The following VRK3 variants were observed in gnomAD, a reference collection of about 807,000 sequenced individuals.
VRK3 encodes serine/threonine-protein kinase VRK3.
A neutral mutation model predicts 60.4 loss-of-function variants in VRK3; 50 were observed. The observed-to-expected ratio is 0.83, with a 90% CI of 0.66 to 1.05. The LOEUF (loss-of-function observed/expected upper bound fraction) is 1.05, where lower values mean the gene tolerates loss of function less well. Ranked by LOEUF, VRK3 falls within the 50% of genes least tolerant of loss-of-function variation. VRK3 has a pLI of 0.00. For missense variants in VRK3, 549 were observed against 585.3 expected (o/e 0.94, Z 0.64); for synonymous variants, 246 against 227.8 (o/e 1.08, Z -0.72).
intron 5 of VRK3, among the ~76,000 whole-genome samples, chr19:50,003,693 C>T (rs2076847599): frequency 6.6e-6 from 1 of 152,242 alleles, no homozygotes; most frequent in South Asian, 2.1e-4. Context: ...ACTGTTATTG[C>T]TTTAAATTAC....
At chr19:50,024,039 C>T (rs867814642) in intron 1 of VRK3, among the ~76,000 whole-genome samples, 1 of 152,160 alleles carries the variant, frequency 6.6e-6, no homozygotes, top group Admixed American at 6.5e-5. Flanking sequence ...TGGGTTCAAG[C>T]GATTCTCCCT....
intron 2 of VRK3, among the ~76,000 whole-genome samples, chr19:50,016,964 C>T (rs1213819011): frequency 7.2e-6 from 1 of 138,832 alleles, no homozygotes; most frequent in Non-Finnish European, 1.5e-5. Context: ...CCATCACAGG[C>T]AGATCACCTG....
In VRK3 at chr19:49,990,767, GTTCA is replaced by G. The variant is rs984029700; in HGVS notation, c.964-1000_964-997del. ...TGTTTTTCTGTTTACAGTTTGTGGT[GTTCA>G]TTAAAAAAATAATTTTTTTTTTTTA... On this transcript the variant is annotated intron_variant, in intron 10 of 14. Transcript: ENST00000316763. 2.6e-5 allele frequency among the ~76,000 whole-genome samples: 4 copies of G among 151,124 alleles called. No homozygotes were observed. In the South Asian group the frequency reaches 8.4e-4, roughly 32 times the overall value.
At position 49,989,597 on chromosome 19, in the gene VRK3, A is replaced by C. The variant is rs141277900; in HGVS notation, c.1096+42T>G. The stretch of plus-strand genomic sequence containing the variant: ...ACTCCTAGAGCTGCCCTTGTATAAG[A>C]AGCATCTCTCTGCGGTCCCAAACCC... On this transcript the variant is annotated intron_variant, in intron 11 of 14. Transcript: ENST00000316763. The C allele has an allele frequency of 5.1e-4, 794 of 1,571,184 alleles. 3 individuals carry two copies. In the African/African-American group the frequency reaches 9.6e-3, roughly 19 times the overall value.
chr19:49,980,077 A>AAAT (rs2076397807), intron 13 of VRK3, among the ~76,000 whole-genome samples: 1 of 151,892 alleles, frequency 6.6e-6, no homozygotes, highest in African/African-American at 2.4e-5. Context: ...AAATTTTAAA[A>AAAT]AAATAAATAA....
intron 10 of VRK3, 117 bp from the exon 11 acceptor site, chr19:49,989,888 C>G: frequency 1.6e-6 from 2 of 1,234,720 alleles, no homozygotes; most frequent in East Asian, 5.3e-5. Flanking sequence ...TTTTCACTTA[C>G]AAAACTAAGG....
rs1269928242 is a variant in VRK3, at chr19:49,996,230, G to C, written c.680-955C>G. On this transcript the variant is annotated intron_variant, in intron 7 of 14. Transcript: ENST00000316763. The stretch of plus-strand genomic sequence containing the variant: ...CCACCACGCCCGGCCTTTTTTTTTT[G>C]TATTTTCAATAGAGATGGGTTTTGC... 2.7e-5 allele frequency among the ~76,000 whole-genome samples: 4 copies of C among 147,482 alleles called. No individual in the cohort carries two copies. The South Asian group carries it at 6.4e-4, about 24-fold the overall frequency.
intron 12 of VRK3, chr19:49,981,641 A>G: frequency 2.2e-6 from 2 of 903,318 alleles, no homozygotes; most frequent in Non-Finnish European, 2.7e-6. Flanking sequence ...TTAGCATTGA[A>G]CTCTTTTAAT....
chr19:50,025,344 A>C lies in VRK3; in HGVS notation c.-142T>G, dbSNP rs1451952074. The C allele has an allele frequency of 6.6e-6, 1 of 152,242 alleles. No homozygotes were observed. The highest frequency in any genetic ancestry group is 1.5e-5 in the Non-Finnish European group (1 of 68,078). The allele number at this position is 152,242 out of a possible 1,614,324, so 9.4% of individuals were successfully genotyped here. A position where few individuals can be genotyped will look rare whatever the true frequency, so the allele number is the denominator to read the frequency against. Reference sequence around the variant, plus strand: ...GGATCCTCCGCAGTTACCCGGACTCACCTTCTCAGTTGCCCAGCGAAAACT... The same window carrying C: ...GGATCCTCCGCAGTTACCCGGACTCCCCTTCTCAGTTGCCCAGCGAAAACT... On this transcript the variant is annotated 5_prime_UTR_variant, in exon 1 of 15. Transcript: ENST00000316763.
In VRK3 at chr19:49,979,974, C is replaced by T. The variant is rs529715613; in HGVS notation, c.1277-732G>A. On this transcript the variant is annotated intron_variant, in intron 13 of 14. Coordinates refer to ENST00000316763, the MANE Select transcript of VRK3 (RefSeq NM_016440.4). ...CAGAGGCAGGAGAATGGCTTGAACC[C>T]GGGAGGCAGAGCTTGCAGTGAGCCA... 7.9e-5 allele frequency among the ~76,000 whole-genome samples: 12 copies of T among 152,028 alleles called. No individual in the cohort carries two copies. The East Asian group carries it at 1.4e-3, about 17-fold the overall frequency.
intron 12 of VRK3, among the ~76,000 whole-genome samples, chr19:49,983,472 G>A (rs755324280): frequency 3.3e-5 from 5 of 152,146 alleles, no homozygotes; most frequent in Non-Finnish European, 7.4e-5. Flanking sequence ...ACATACATGC[G>A]CAGGAAGGCC....
chr19:49,976,472 G>A lies in VRK3; in HGVS notation c.*324C>T, dbSNP rs1473253960. 4 of 152,566 alleles carry A rather than the reference G, an allele frequency of 2.6e-5. No homozygotes were observed. The highest frequency in any genetic ancestry group is 6.5e-5 in the Admixed American group (1 of 15,280). The allele number at this position is 152,566 out of a possible 1,614,324, so 9.5% of individuals were successfully genotyped here. On this transcript the variant is annotated 3_prime_UTR_variant, in exon 15 of 15. Transcript: ENST00000316763. ...CAGATAACTGACTCCTCAAGCTCTG[G>A]TAAAACAATTTATTACCAAAGCACA...
intron 3 of VRK3, among the ~76,000 whole-genome samples, chr19:50,010,655 G>A (rs1268141604): frequency 6.6e-6 from 1 of 152,240 alleles, no homozygotes; most frequent in African/African-American, 2.4e-5. Context: ...GCTCATGCCT[G>A]TAATCCCAGC....
intron 13 of VRK3, among the ~76,000 whole-genome samples, chr19:49,980,126 ATCTGTT>A (rs957623826): frequency 2.8e-4 from 42 of 152,320 alleles, no homozygotes; most frequent in Non-Finnish European, 4.7e-4. Flanking sequence ...GGAACAAGCT[ATCTGTT>A]TCTGTCTGTC....
chr19:50,019,405 T>G (rs1489396210), intron 2 of VRK3: 1 of 150,560 alleles, frequency 6.6e-6, no homozygotes, highest in Non-Finnish European at 1.5e-5. Context: ...GTATAGAGGC[T>G]GGTGCCTGGA....
intron 5 of VRK3, among the ~76,000 whole-genome samples, chr19:50,001,623 G>T (rs995390571): frequency 6.6e-6 from 1 of 152,130 alleles, no homozygotes; most frequent in Admixed American, 6.5e-5. Flanking sequence ...CTTGTCCCCC[G>T]ACAGAGCCTG....
At chr19:50,008,215 A>C (rs1182435735) in intron 4 of VRK3, among the ~76,000 whole-genome samples, 1 of 152,186 alleles carries the variant, frequency 6.6e-6, no homozygotes, top group Non-Finnish European at 1.5e-5. Flanking sequence ...TTTGCCAGGG[A>C]ATAAAGGACA....
In VRK3 at chr19:50,010,340, TTTG is replaced by T. The variant is rs1318306936; in HGVS notation, c.140-958_140-956del. On this transcript the variant is annotated intron_variant, in intron 3 of 14. Transcript: ENST00000316763. ...GGTCTTGGCAGGTCCGATTCTGCAGTTTGTTGTTTCTGCTGACTCTCCAGCTAG... is the reference window on the plus strand; with the variant it reads ...GGTCTTGGCAGGTCCGATTCTGCAGTTTGTTTCTGCTGACTCTCCAGCTAG... Among the ~76,000 whole-genome samples, 3 of 152,174 alleles carry T rather than the reference TTTG, an allele frequency of 2.0e-5. No homozygotes were observed. In the East Asian group the frequency reaches 5.8e-4, roughly 29 times the overall value.
chr19:49,985,053 G>A (rs1302685469), intron 12 of VRK3, among the ~76,000 whole-genome samples: 1 of 152,160 alleles, frequency 6.6e-6, no homozygotes, highest in Non-Finnish European at 1.5e-5. Context: ...GTTAGTGAGA[G>A]GAGTGAACCC....
Sources: gnomAD v4.1 joint callset for allele counts (sites outside exome capture counted in the v4.1 genomes callset) on GRCh38, gnomAD v4.1.1 for gene constraint, MANE v1.5 for transcripts, NCBI Gene and HGNC (gene_info 2026-07-23, HGNC 2026-07-21) for gene names.